Variants in CHM observed in about 807,000 individuals in gnomAD.
The protein encoded by CHM is rab proteins geranylgeranyltransferase component A 1.
Under a neutral mutation model 49.0 loss-of-function variants are expected in CHM, and 10 were observed. The observed-to-expected ratio is 0.20, with a 90% CI of 0.13 to 0.35. The LOEUF is 0.35. Among genes scored for constraint, CHM ranks in the 10% least tolerant of loss-of-function variants. The probability of loss-of-function intolerance (pLI) is 1.00; values close to 1 mark genes in which losing one functional copy is unlikely to be tolerated. For synonymous variants in CHM, 184 were observed against 167.5 expected, an observed-to-expected ratio of 1.10 and a Z score of -0.76; for missense variants, 455 against 478.4, an observed-to-expected ratio of 0.95 and a Z score of 0.46.
chrX:86,047,259 C>T, intron 1 of CHM: 2 of 459,523 alleles, frequency 4.4e-6, no homozygotes, highest in Non-Finnish European at 7.8e-6. Context: ...CAGCAATCAG[C>T]ATCGACCAGA....
At chrX:86,034,236 G>A (rs1464292512) in intron 1 of CHM, among the ~76,000 whole-genome samples, 1 of 111,648 alleles carries the variant, frequency 9.0e-6, no homozygotes, top group Non-Finnish European at 1.9e-5. Context: ...TTTATGCTAG[G>A]TCAACAACTT....
At chrX:85,869,504 T>C (rs143823639) in intron 14 of CHM, among the ~76,000 whole-genome samples, 19 of 110,530 alleles carry the variant, frequency 1.7e-4, no homozygotes, top group Non-Finnish European at 3.2e-4. Context: ...CTCCTAAGAT[T>C]AGCACCAGTT....
At chrX:85,990,664 A>T (rs1308295235) in intron 2 of CHM, among the ~76,000 whole-genome samples, 1 of 111,739 alleles carries the variant, frequency 8.9e-6, no homozygotes, top group Non-Finnish European at 1.9e-5. Flanking sequence ...GATCTTTCTC[A>T]TCCTTCATAT....
At chrX:85,874,019 T>C (rs1331012129) in intron 13 of CHM, among the ~76,000 whole-genome samples, 6 of 111,261 alleles carry the variant, frequency 5.4e-5, no homozygotes, top group South Asian at 7.6e-4. Context: ...GCTGGGGATA[T>C]ACACATGAAG....
At chrX:86,001,203 G>C (rs746350038) in intron 2 of CHM, among the ~76,000 whole-genome samples, 2 of 111,423 alleles carry the variant, frequency 1.8e-5, no homozygotes, top group African/African-American at 3.3e-5. Flanking sequence ...TAAAGATGTG[G>C]GACAATGCCC....
At chrX:85,865,248 G>A (rs1923617113) in intron 14 of CHM, among the ~76,000 whole-genome samples, 1 of 111,570 alleles carries the variant, frequency 9.0e-6, no homozygotes, top group Admixed American at 9.5e-5. Context: ...ACTAGATTAT[G>A]GGGGCGGCTG....
intron 1 of CHM, among the ~76,000 whole-genome samples, chrX:86,038,383 C>T (rs761901856): frequency 9.0e-6 from 1 of 111,443 alleles, no homozygotes; most frequent in Non-Finnish European, 1.9e-5. Context: ...AGCCTCCTCC[C>T]CACTTCGAGT....
chrX:85,937,670 C>T (rs769504146), intron 8 of CHM, among the ~76,000 whole-genome samples: 2 of 108,663 alleles, frequency 1.8e-5, no homozygotes, highest in Non-Finnish European at 3.8e-5. Context: ...ATGGTGAAAC[C>T]CCACCTCCAC....
At chrX:85,923,799 A>G (rs1927933297) in intron 8 of CHM, among the ~76,000 whole-genome samples, 1 of 111,137 alleles carries the variant, frequency 9.0e-6, no homozygotes, top group Non-Finnish European at 1.9e-5. Flanking sequence ...CAGGGTATTC[A>G]GGGACAGTCT....
At chrX:85,987,153 A>T (rs1931960994) in intron 2 of CHM, among the ~76,000 whole-genome samples, 1 of 112,170 alleles carries the variant, frequency 8.9e-6, no homozygotes, top group Non-Finnish European at 1.9e-5. Flanking sequence ...ACTGAGAGGT[A>T]TGGGATTCTG....
At chrX:86,046,236 T>C (rs1050351169) in intron 1 of CHM, among the ~76,000 whole-genome samples, 5 of 112,219 alleles carry the variant, frequency 4.5e-5, no homozygotes, top group African/African-American at 6.5e-5. Context: ...ATGGGTCAAC[T>C]CTGAGGATCA....
intron 8 of CHM, among the ~76,000 whole-genome samples, chrX:85,929,510 C>T (rs962297091): frequency 1.8e-5 from 2 of 111,844 alleles, no homozygotes; most frequent in Non-Finnish European, 3.8e-5. Context: ...TGGGAAGAGC[C>T]TTCAACATCT....
rs972887858 is a variant in CHM, at chrX:85,995,628, C to T, written c.117-13819G>A. 2.7e-5 allele frequency among the ~76,000 whole-genome samples: 3 copies of T among 112,243 alleles called. No homozygotes were observed. In the Admixed American group the frequency reaches 2.8e-4, roughly 11 times the overall value. Reference sequence around the variant, plus strand: ...ACATTGGACAAGTTATTTCAATTCTCTGAGTTTGTTTCCTCATCTGCAAAA... The same window carrying T: ...ACATTGGACAAGTTATTTCAATTCTTTGAGTTTGTTTCCTCATCTGCAAAA... On this transcript the variant is annotated intron_variant, in intron 2 of 14. Transcript: ENST00000357749.
chrX:85,995,384 A>T (rs1932394546), intron 2 of CHM, among the ~76,000 whole-genome samples: 1 of 110,308 alleles, frequency 9.1e-6, no homozygotes, highest in African/African-American at 3.3e-5. Flanking sequence ...TGACTCTTCA[A>T]ATGAGGTTTT....
rs774463681 is a variant in CHM, at chrX:85,990,996, T to C, written c.117-9187A>G. Among the ~76,000 whole-genome samples, 44 of 112,024 alleles carry C rather than the reference T, an allele frequency of 3.9e-4. 1 individual carries two copies. The highest frequency in any genetic ancestry group is 1.3e-3 in the African/African-American group (40 of 30,941). Reference sequence around the variant, plus strand: ...TCAAGCATATTCATCTGGGAACCATTCTAATTATTAAGAAATTAGGAGTTG... The same window carrying C: ...TCAAGCATATTCATCTGGGAACCATCCTAATTATTAAGAAATTAGGAGTTG... On this transcript the variant is annotated intron_variant, in intron 2 of 14. Coordinates refer to ENST00000357749, the MANE Select transcript of CHM (RefSeq NM_000390.4).
In CHM at chrX:85,951,731, T is replaced by G. The variant is rs775864316; in HGVS notation, c.1166+4422A>C. ...GGAATGCGGAATTTTAACAACTAAC[T>G]ACACACAAAAAAAGAACCATCATAA... On this transcript the variant is annotated intron_variant, in intron 8 of 14. Transcript: ENST00000357749. Among the ~76,000 whole-genome samples, 7 of 111,688 alleles carry G rather than the reference T, an allele frequency of 6.3e-5. No homozygotes were observed. In the South Asian group the frequency reaches 2.6e-3, roughly 42 times the overall value.
chrX:85,880,409 C>T (rs752892218), intron 12 of CHM, among the ~76,000 whole-genome samples: 1 of 111,273 alleles, frequency 9.0e-6, no homozygotes, highest in South Asian at 3.8e-4. Flanking sequence ...TATGCAGTTA[C>T]AAAGGTCAGC....
At chrX:85,946,529 T>C (rs1929421506) in intron 8 of CHM, among the ~76,000 whole-genome samples, 1 of 111,955 alleles carries the variant, frequency 8.9e-6, no homozygotes, top group African/African-American at 3.2e-5. Flanking sequence ...TAAGCCTTGG[T>C]GGCTTCCATA....
At chrX:85,908,527 A>C (rs1179767746) in intron 9 of CHM, among the ~76,000 whole-genome samples, 1 of 111,991 alleles carries the variant, frequency 8.9e-6, no homozygotes, top group Non-Finnish European at 1.9e-5. Context: ...GAGTCTTAAA[A>C]CTTTTAAAGA....
Sources: allele counts gnomAD v4.1 joint callset (sites outside exome capture counted in the v4.1 genomes callset), GRCh38; gene constraint gnomAD v4.1.1; transcripts MANE v1.5; gene names NCBI Gene and HGNC (gene_info 2026-07-23, HGNC 2026-07-21).